Variants in LRCH1 observed in about 807,000 individuals in gnomAD.
LRCH1 encodes the protein leucine-rich repeat and calponin homology domain-containing protein 1.
In LRCH1, 23 loss-of-function variants were observed where a neutral mutation model predicts 94.9. That is an observed-to-expected ratio of 0.24 (90% CI 0.17 to 0.34). LRCH1 has a LOEUF of 0.34. LRCH1 is among the 10% of genes least tolerant of loss of function. The pLI is 1.00. For synonymous variants in LRCH1, 364 were observed against 354.9 expected (o/e 1.03, Z -0.29); for missense variants, 790 against 945.9 (o/e 0.84, Z 2.16).
rs186030026 is a variant in LRCH1, at chr13:46,569,782, C to T, written c.307+16079C>T. ...CCCATATGTTCCAGGTTAAGGCCTC[C>T]GCTTTGCCTTCGATTGTACCTTTTC... On this transcript the variant is annotated intron_variant, in intron 1 of 19. Transcript: ENST00000389797. Among the ~76,000 whole-genome samples the T allele has an allele frequency of 2.6e-5, 4 of 152,240 alleles. No individual in the cohort carries two copies. The East Asian group carries it at 5.8e-4, about 22-fold the overall frequency.
chr13:46,647,901 G>T (rs997389332), intron 1 of LRCH1, among the ~76,000 whole-genome samples: 1 of 150,674 alleles, frequency 6.6e-6, no homozygotes, highest in African/African-American at 2.4e-5. Context: ...GCACACTTCA[G>T]TGGTTCCCAA....
rs1270431684 is a variant in LRCH1 at position 46,649,498 on chromosome 13, C to T, written c.308-703C>T. ...GGACTGTGATTGCTTTCTTTGGTACCTTTGCCCAGTGGTGTCCAGTTTTAC... is the reference window on the plus strand; with the variant it reads ...GGACTGTGATTGCTTTCTTTGGTACTTTTGCCCAGTGGTGTCCAGTTTTAC... On this transcript the variant is annotated intron_variant, in intron 1 of 19. Coordinates refer to ENST00000389797, the MANE Select transcript of LRCH1 (RefSeq NM_001164211.2). Among the ~76,000 whole-genome samples the T allele has an allele frequency of 2.6e-5, 4 of 152,112 alleles. No homozygotes were observed. The East Asian group carries it at 7.7e-4, about 29-fold the overall frequency.
chr13:46,612,973 T>C (rs915215208), intron 1 of LRCH1, among the ~76,000 whole-genome samples: 1 of 152,234 alleles, frequency 6.6e-6, no homozygotes. Flanking sequence ...TATGTATATA[T>C]ATGCATTGAT....
chr13:46,686,555 A>G (rs1310967515), intron 5 of LRCH1, among the ~76,000 whole-genome samples: 1 of 90,262 alleles, frequency 1.1e-5, no homozygotes, highest in Non-Finnish European at 2.1e-5. Context: ...TTTGGTTTCT[A>G]TGACCAGCTT....
At chr13:46,609,172 C>G (rs752381128) in intron 1 of LRCH1, among the ~76,000 whole-genome samples, 2 of 152,236 alleles carry the variant, frequency 1.3e-5, no homozygotes, top group Non-Finnish European at 2.9e-5. Context: ...TAAGCAGTGT[C>G]TGTTCTGCTG....
intron 6 of LRCH1, among the ~76,000 whole-genome samples, chr13:46,688,567 G>GA (rs1215984422): frequency 6.6e-6 from 1 of 152,138 alleles, no homozygotes; most frequent in Non-Finnish European, 1.5e-5. Flanking sequence ...CACAGTTATA[G>GA]AAATGCAGGT....
intron 16 of LRCH1, among the ~76,000 whole-genome samples, chr13:46,722,792 C>A (rs566803113): frequency 6.6e-6 from 1 of 152,354 alleles, no homozygotes; most frequent in Non-Finnish European, 1.5e-5. Flanking sequence ...CCAACAAAAA[C>A]ATTAACTTGT....
At position 46,699,382 on chromosome 13, in the gene LRCH1, T is replaced by C. The variant is rs759865867; in HGVS notation, c.1292T>C (p.Val431Ala). The C allele has an allele frequency of 1.5e-5, 25 of 1,614,126 alleles. No homozygotes were observed. The highest frequency in any genetic ancestry group is 2.2e-5 in the East Asian group (1 of 44,888). Reference sequence around the variant, plus strand: ...GAGCTGTTACGGATAGAAGAGGATGTGCACTGGCAAACTGAGGGCATGTGA... The same window carrying C: ...GAGCTGTTACGGATAGAAGAGGATGCGCACTGGCAAACTGAGGGCATGTGA... ...CEELLRIEED[V>A]HWQTEGIISS... is the part of the protein sequence containing the mutation. Residue 431 changes from valine (V) to alanine (A), a missense_variant, in exon 10 of 20, where the codon GTG becomes GCG. Around this residue, in one of 3 missense-constraint regions of LRCH1, gnomAD observed 460 missense variants for 508.9 expected, o/e 0.90. Transcript: ENST00000389797.
intron 2 of LRCH1, among the ~76,000 whole-genome samples, chr13:46,668,088 G>A (rs1029633976): frequency 7.2e-5 from 11 of 152,210 alleles, no homozygotes; most frequent in African/African-American, 2.4e-4. Flanking sequence ...ACACCAGAAG[G>A]GCAGAGAAAG....
At chr13:46,651,084 C>T (rs2051290986) in intron 2 of LRCH1, among the ~76,000 whole-genome samples, 1 of 152,158 alleles carries the variant, frequency 6.6e-6, no homozygotes, top group South Asian at 2.1e-4. Flanking sequence ...TTCCCCATAT[C>T]TGGGATGTCA....
chr13:46,722,378 A>G lies in LRCH1; in HGVS notation c.1760-843A>G, dbSNP rs575630158. Among the ~76,000 whole-genome samples, 9 of 152,304 alleles carry G rather than the reference A, an allele frequency of 5.9e-5. 1 individual carries two copies. The highest frequency in any genetic ancestry group is 1.9e-4 in the African/African-American group (8 of 41,564). ...AATCTCTAGGAAGAAAAAAAAAATC[A>G]AGTTTAAGTCTGCCCTGGGCTTTGT... On this transcript the variant is annotated intron_variant, in intron 16 of 19. Transcript: ENST00000389797.
chr13:46,655,489 G>C (rs1377463008), intron 2 of LRCH1, among the ~76,000 whole-genome samples: 1 of 152,182 alleles, frequency 6.6e-6, no homozygotes, highest in Admixed American at 6.5e-5. Context: ...TTTAGTATAT[G>C]TGCCACTGTG....
intron 1 of LRCH1, among the ~76,000 whole-genome samples, chr13:46,603,016 A>C (rs921813715): frequency 6.6e-6 from 1 of 151,912 alleles, no homozygotes; most frequent in African/African-American, 2.4e-5. Flanking sequence ...GTAAATAATT[A>C]AATAACTCAT....
In LRCH1 at chr13:46,681,865, A is replaced by G; in HGVS notation, c.685+19A>G. 2 of 1,449,790 alleles carry G rather than the reference A, an allele frequency of 1.4e-6. No homozygotes were observed. The highest frequency in any genetic ancestry group is 1.9e-6 in the Non-Finnish European group (2 of 1,033,074). 89.8% of individuals were successfully genotyped at this position (1,449,790 alleles called of 1,614,324 possible). On this transcript the variant is annotated intron_variant, in intron 4 of 19. Transcript: ENST00000389797. The stretch of plus-strand genomic sequence containing the variant: ...CCACAAGGTAAAAAAGAAAGAGGGA[A>G]AATGAAGAAAATGGGAGACTTGCAT...
At chr13:46,747,418 C>A (rs954259449), downstream of LRCH1, among the ~76,000 whole-genome samples, 2 of 152,198 alleles carry the variant, frequency 1.3e-5, no homozygotes, top group African/African-American at 4.8e-5. Flanking sequence ...AGCCACTGCT[C>A]ATCAGGCCCT....
chr13:46,553,545 G>C lies in LRCH1; in HGVS notation c.149G>C (p.Gly50Ala). The C allele has an allele frequency of 1.3e-6, 2 of 1,546,598 alleles. No homozygotes were observed. Among genetic ancestry groups the C allele is most frequent in the Non-Finnish European group, 1.7e-6 (2 of 1,144,660 alleles). The change falls in exon 1 of 20, where the codon GGT (glycine) becomes GCT (alanine). Residue 50 changes from glycine (G) to alanine (A), a missense_variant. By Grantham distance (60) the Gly-to-Ala change is moderately conservative. Transcript: ENST00000389797. ...GAPGGAGGGG[G>A]GSGGFNLPLN... ...CCCGGCGGGGCGGGTGGTGGCGGCG[G>C]TGGCAGCGGGGGCTTCAACCTGCCC... is the stretch of plus-strand genomic sequence containing the variant.
chr13:46,694,334 G>A (rs1178170478), intron 8 of LRCH1, among the ~76,000 whole-genome samples: 1 of 152,190 alleles, frequency 6.6e-6, no homozygotes, highest in East Asian at 1.9e-4. Flanking sequence ...CTAGGTGGAA[G>A]TGCCACATCT....
intron 1 of LRCH1, among the ~76,000 whole-genome samples, chr13:46,574,897 G>T (rs1297281025): frequency 6.9e-6 from 1 of 145,866 alleles, no homozygotes; most frequent in Non-Finnish European, 1.5e-5. Context: ...TGTGTGTTTG[G>T]AAAGCAAAAT....
chr13:46,651,482 G>A (rs1594315877), intron 2 of LRCH1, among the ~76,000 whole-genome samples: 2 of 151,914 alleles, frequency 1.3e-5, no homozygotes, highest in Non-Finnish European at 2.9e-5. Context: ...CCAACACGGT[G>A]GAACCCCGTC....
Sources: allele counts gnomAD v4.1 joint callset (sites outside exome capture counted in the v4.1 genomes callset), GRCh38; gene constraint gnomAD v4.1.1; regional missense constraint gnomAD v4.1.1; transcripts MANE v1.5; gene names NCBI Gene and HGNC (gene_info 2026-07-23, HGNC 2026-07-21).